OR1M1: variants seen among roughly 807,000 people sequenced by gnomAD.
OR1M1 encodes olfactory receptor family 1 subfamily M member 1.
For synonymous variants in OR1M1, 157 were observed against 165.5 expected (o/e 0.95, Z 0.39); for missense variants, 397 against 401.8 (o/e 0.99, Z 0.10).
chr19:9,093,682 C>T lies in OR1M1; in HGVS notation c.438C>T (p.Gly146=), dbSNP rs7259007. 0.013 allele frequency: 21,575 copies of T among 1,614,014 alleles called. 244 individuals are homozygous for T. The highest frequency in any genetic ancestry group is 0.056 in the Middle Eastern group (338 of 6,060). The change falls in exon 2 of 2, where the codon GGC becomes GGT. Residue 146 remains glycine, a synonymous_variant. Transcript: ENST00000641627. ...TACGCCTCTGTCGCCTGCTGGTCGG[C>T]GCCCTCTGGGCGTTTTCCTGCTTCA... ...MSLRLCRLLV[G]ALWAFSCFIS...
Position 9,093,524 on chromosome 19 carries a change from T to C in OR1M1, c.280T>C (p.Tyr94His). The stretch of plus-strand genomic sequence containing the variant: ...TCAAACCGGGAGCAAGGCCATCTCT[T>C]ATCCCTGCTGCCTGATCCAGATGTA... ...SLQTGSKAIS[Y>H]PCCLIQMYFF... Residue 94 changes from tyrosine to histidine, a missense_variant, in exon 2 of 2, where the codon TAT (tyrosine) becomes CAT (histidine). Coordinates refer to ENST00000641627, the MANE Select transcript of OR1M1 (RefSeq NM_001004456.2). 6.2e-7 allele frequency: 1 copy of C among 1,614,182 alleles called. No individual in the cohort carries two copies. Among genetic ancestry groups the C allele is most frequent in the Non-Finnish European group, 8.5e-7 (1 of 1,180,044 alleles).
rs745648497 is a variant in OR1M1, at chr19:9,094,090, C to T, written c.846C>T (p.Thr282=). The part of the protein sequence containing the change: ...KASAVMYTAV[T]PMLNPFIYSL... ...CTGCGGTGATGTACACAGCAGTCAC[C>T]CCCATGCTGAATCCCTTCATCTACA... The change falls in exon 2 of 2, where the codon ACC becomes ACT. Residue 282 remains threonine (T), a synonymous_variant. Transcript: ENST00000641627. 3 of 1,613,818 alleles carry T rather than the reference C, an allele frequency of 1.9e-6. No homozygotes were observed. Among genetic ancestry groups the T allele is most frequent in the South Asian group, 2.2e-5 (2 of 91,074 alleles).
At chr19:9,092,099 T>TTTTTA (rs71183683) in intron 1 of OR1M1, among the ~76,000 whole-genome samples, 1 of 131,022 alleles carries the variant, frequency 7.6e-6, no homozygotes, top group East Asian at 2.0e-4. Context: ...TTTTTTTTTT[T>TTTTTA]GGTAGAGAAG....
chr19:9,093,329 T>C lies in OR1M1; in HGVS notation c.85T>C (p.Ser29Pro), dbSNP rs767415549. Residue 29 changes from serine (S) to proline (P), a missense_variant, in exon 2 of 2, where the codon TCC (serine) becomes CCC (proline). Ser to Pro is a moderately conservative substitution (Grantham distance 74). Transcript: ENST00000641627. ...GCCAGAGCAGGAGACGCTTCTCTTT[T>C]CCCTGTTCTTCTGCATGTACCTGGT... Reference protein sequence around the residue: ...EKPEQETLLFSLFFCMYLVMV... With the variant: ...EKPEQETLLFPLFFCMYLVMV... The C allele has an allele frequency of 6.2e-7, 1 of 1,613,868 alleles. No individual in the cohort carries two copies. Among genetic ancestry groups the C allele is most frequent in the Non-Finnish European group, 8.5e-7 (1 of 1,179,934 alleles).
chr19:9,092,501 G>A (rs954387065), intron 1 of OR1M1, among the ~76,000 whole-genome samples: 4 of 152,104 alleles, frequency 2.6e-5, no homozygotes, highest in Non-Finnish European at 5.9e-5. Context: ...TACTAGAGAG[G>A]CTGTGGCAGG....
intron 1 of OR1M1, 43 bp downstream of exon 1, chr19:9,087,200 A>C (rs1050478375): frequency 8.6e-5 from 13 of 151,846 alleles, no homozygotes; most frequent in African/African-American, 2.7e-4. Context: ...AGACTGAACG[A>C]ATGTTGGTAA....
intron 1 of OR1M1, among the ~76,000 whole-genome samples, chr19:9,090,900 C>T (rs1172780702): frequency 6.6e-6 from 1 of 151,786 alleles, no homozygotes; most frequent in African/African-American, 2.4e-5. Context: ...GGCGCGGTGG[C>T]TCATGCCTGT....
rs376373014 is a variant in OR1M1, at chr19:9,093,392, A to G, written c.148A>G (p.Ser50Gly). 1.2e-6 allele frequency: 2 copies of G among 1,613,762 alleles called. No homozygotes were observed. The highest frequency in any genetic ancestry group is 2.2e-5 in the East Asian group (1 of 44,860). ...GAACCTGCTCATCATCCTGGCCATC[A>G]GCATAGACTCCCACCTCCACACCCC... ...VGNLLIILAI[S>G]IDSHLHTPMY... Residue 50 changes from serine to glycine, a missense_variant, in exon 2 of 2, where the codon AGC becomes GGC. Ser to Gly is a moderately conservative substitution (Grantham distance 56). Coordinates refer to ENST00000641627, the MANE Select transcript of OR1M1 (RefSeq NM_001004456.2).
At position 9,093,508 on chromosome 19, in the gene OR1M1, G is replaced by A. The variant is rs943265047; in HGVS notation, c.264G>A (p.Gly88=). ...AGATGCTGGTGAGCCTTCAAACCGG[G>A]AGCAAGGCCATCTCTTATCCCTGCT... The part of the protein sequence containing the change: ...IPKMLVSLQT[G]SKAISYPCCL... Residue 88 remains glycine, a synonymous_variant, in exon 2 of 2, where the codon GGG becomes GGA. Coordinates refer to ENST00000641627, the MANE Select transcript of OR1M1 (RefSeq NM_001004456.2). 6 of 1,613,918 alleles carry A rather than the reference G, an allele frequency of 3.7e-6. No individual in the cohort carries two copies. The African/African-American group carries it at 5.3e-5, about 14-fold the overall frequency.
Position 9,093,992 on chromosome 19 carries a change from C to G in OR1M1, c.748C>G (p.Leu250Val). Reference protein sequence around the residue: ...TCSSHLSVVALFYGTTIGVYL... With the variant: ...TCSSHLSVVAVFYGTTIGVYL... Reference sequence around the variant, plus strand: ...CAGCTCCCACCTGTCTGTGGTTGCTCTCTTCTATGGGACCACCATTGGCGT... The same window carrying G: ...CAGCTCCCACCTGTCTGTGGTTGCTGTCTTCTATGGGACCACCATTGGCGT... The change falls in exon 2 of 2, where the codon CTC becomes GTC. Residue 250 changes from leucine to valine, a missense_variant. Coordinates refer to ENST00000641627, the MANE Select transcript of OR1M1 (RefSeq NM_001004456.2). 1 of 1,614,112 alleles carries G rather than the reference C, an allele frequency of 6.2e-7. No individual in the cohort carries two copies. Among genetic ancestry groups the G allele is most frequent in the East Asian group, 2.2e-5 (1 of 44,866 alleles).
At position 9,093,582 on chromosome 19, in the gene OR1M1, T is replaced by C; in HGVS notation, c.338T>C (p.Val113Ala). ...FFHFFGIVDS[V>A]IIAMMAYDRF... is the part of the protein sequence containing the mutation. ...CATTTCTTTGGCATCGTGGACAGCGTCATAATCGCCATGATGGCTTATGAC... is the reference window on the plus strand; with the variant it reads ...CATTTCTTTGGCATCGTGGACAGCGCCATAATCGCCATGATGGCTTATGAC... The change falls in exon 2 of 2, where the codon GTC becomes GCC. Residue 113 changes from valine to alanine, a missense_variant. Val to Ala is a moderately conservative substitution (Grantham distance 64, BLOSUM62 0). Coordinates refer to ENST00000641627, the MANE Select transcript of OR1M1 (RefSeq NM_001004456.2). The C allele has an allele frequency of 1.2e-6, 2 of 1,614,150 alleles. No individual in the cohort carries two copies. The highest frequency in any genetic ancestry group is 1.7e-6 in the Non-Finnish European group (2 of 1,180,034).
rs77207292 is a variant in OR1M1 at position 9,095,248 on chromosome 19, G to C, written c.*1062G>C. On this transcript the variant is annotated 3_prime_UTR_variant, in exon 2 of 2. Coordinates refer to ENST00000641627, the MANE Select transcript of OR1M1 (RefSeq NM_001004456.2). ...CAATCCACTTCACTTATTTAGCCAC[G>C]CAGTCTGCGGTGTTTTGTTATAACC... 0.03 allele frequency: 4,521 copies of C among 152,258 alleles called. 128 individuals carry two copies. The highest frequency in any genetic ancestry group is 0.081 in the Middle Eastern group (24 of 296). 9.4% of individuals were successfully genotyped at this position (152,258 alleles called of 1,614,324 possible). A position where few individuals can be genotyped will look rare whatever the true frequency, so the allele number is the denominator to read the frequency against.
chr19:9,094,095 T>C lies in OR1M1; in HGVS notation c.851T>C (p.Met284Thr). The C allele has an allele frequency of 1.9e-6, 3 of 1,613,902 alleles. No individual in the cohort carries two copies. Among genetic ancestry groups the C allele is most frequent in the African/African-American group, 2.7e-5 (2 of 75,002 alleles). The change falls in exon 2 of 2, where the codon ATG becomes ACG. Residue 284 changes from methionine (M) to threonine (T), a missense_variant. Met to Thr is a moderately conservative substitution (Grantham distance 81). Transcript: ENST00000641627. ...SAVMYTAVTP[M>T]LNPFIYSLRN... ...GTGATGTACACAGCAGTCACCCCCATGCTGAATCCCTTCATCTACAGCTTG... is the reference window on the plus strand; with the variant it reads ...GTGATGTACACAGCAGTCACCCCCACGCTGAATCCCTTCATCTACAGCTTG...
At chr19:9,091,168 A>G (rs1420385847) in intron 1 of OR1M1, among the ~76,000 whole-genome samples, 2 of 151,946 alleles carry the variant, frequency 1.3e-5, no homozygotes, top group African/African-American at 4.8e-5. Context: ...CTCTGTCTCA[A>G]AAAAAACAAA....
intron 1 of OR1M1, among the ~76,000 whole-genome samples, chr19:9,088,053 G>A (rs2050273714): frequency 6.6e-6 from 1 of 151,646 alleles, no homozygotes; most frequent in Non-Finnish European, 1.5e-5. Context: ...ACCACACCCA[G>A]CTAATTTTTG....
chr19:9,089,406 G>T (rs2145902858), intron 1 of OR1M1, among the ~76,000 whole-genome samples: 1 of 143,654 alleles, frequency 7.0e-6, no homozygotes, highest in South Asian at 2.2e-4. Flanking sequence ...GTTTTCCATT[G>T]TGTATTTCTA....
At position 9,094,326 on chromosome 19, in the gene OR1M1, A is replaced by C; in HGVS notation, c.*140A>C. 1.7e-6 allele frequency: 1 copy of C among 590,372 alleles called. No individual in the cohort carries two copies. Among genetic ancestry groups the C allele is most frequent in the South Asian group, 2.3e-5 (1 of 44,224 alleles). The allele number at this position is 590,372 out of a possible 1,614,324, so 36.6% of individuals were successfully genotyped here. A position where few individuals can be genotyped will look rare whatever the true frequency, so the allele number is the denominator to read the frequency against. On this transcript the variant is annotated 3_prime_UTR_variant, in exon 2 of 2. Coordinates refer to ENST00000641627, the MANE Select transcript of OR1M1 (RefSeq NM_001004456.2). ...TATTATTTAGAGATGGGGTCTCACT[A>C]TGTTGCCCGTGCTGGAGTGCAGTGG...
rs1322446856 is a variant in OR1M1 at position 9,087,077 on chromosome 19, C to T, written c.-94C>T. ...TGCTGGCCCAAACATCTAACTTCAT[C>T]ATCTAGTACCTGCTGGGAGGACACT... On this transcript the variant is annotated 5_prime_UTR_variant, in exon 1 of 2. Transcript: ENST00000641627. 1 of 152,050 alleles carries T rather than the reference C, an allele frequency of 6.6e-6. No homozygotes were observed. 9.4% of individuals were successfully genotyped at this position (152,050 alleles called of 1,614,324 possible).
chr19:9,091,475 T>C (rs2050292711), intron 1 of OR1M1, among the ~76,000 whole-genome samples: 1 of 152,044 alleles, frequency 6.6e-6, no homozygotes, highest in Non-Finnish European at 1.5e-5. Flanking sequence ...GATACTCAGC[T>C]GGGTTAAACC....
Sources: allele counts gnomAD v4.1 joint callset (sites outside exome capture counted in the v4.1 genomes callset), GRCh38; gene constraint gnomAD v4.1.1; transcripts MANE v1.5; gene names NCBI Gene and HGNC (gene_info 2026-07-23, HGNC 2026-07-21).